Variants in TAFA1 observed in about 807,000 individuals in gnomAD.
TAFA1 encodes TAFA chemokine like family member 1, also known as chemokine-like protein TAFA-1.
Under a neutral mutation model 18.5 loss-of-function variants are expected in TAFA1, and 4 were observed. The observed-to-expected ratio is 0.22, with a 90% CI of 0.11 to 0.49. TAFA1 has a LOEUF of 0.49. Among genes scored for constraint, TAFA1 ranks in the 20% least tolerant of loss-of-function variants. The probability of loss-of-function intolerance (pLI) is 0.98; values close to 1 mark genes in which losing one functional copy is unlikely to be tolerated. For synonymous variants in TAFA1, 56 were observed against 55.2 expected (o/e 1.01, Z -0.06); for missense variants, 147 against 169.0 (o/e 0.87, Z 0.72).
intron 3 of TAFA1, among the ~76,000 whole-genome samples, chr3:68,496,453 C>G (rs111919460): frequency 0.012 from 1,841 of 152,206 alleles, 30 homozygotes; most frequent in African/African-American, 0.042. Flanking sequence ...CTCTGAGAAG[C>G]CCAAGCCACC....
chr3:68,129,596 A>G (rs2065512815), intron 2 of TAFA1, among the ~76,000 whole-genome samples: 1 of 152,240 alleles, frequency 6.6e-6, no homozygotes, highest in Non-Finnish European at 1.5e-5. Flanking sequence ...TGCTGGTTCC[A>G]TAACATGATA....
At chr3:68,344,878 G>GCT (rs973070765) in intron 2 of TAFA1, among the ~76,000 whole-genome samples, 8 of 152,012 alleles carry the variant, frequency 5.3e-5, no homozygotes, top group Non-Finnish European at 1.0e-4. Flanking sequence ...AGAGAGTGAA[G>GCT]CTCTCTACCA....
chr3:68,349,650 C>G (rs1423743548), intron 2 of TAFA1, among the ~76,000 whole-genome samples: 1 of 152,126 alleles, frequency 6.6e-6, no homozygotes, highest in Admixed American at 6.6e-5. Flanking sequence ...TTACAGGTTT[C>G]TATCACAAAC....
chr3:68,473,595 C>T (rs1245038850), intron 3 of TAFA1, among the ~76,000 whole-genome samples: 4 of 152,110 alleles, frequency 2.6e-5, no homozygotes, highest in African/African-American at 9.7e-5. Flanking sequence ...TGGTTTGCAT[C>T]CTTCCCAACC....
chr3:68,186,448 A>G (rs1386171607), intron 2 of TAFA1, among the ~76,000 whole-genome samples: 1 of 152,104 alleles, frequency 6.6e-6, no homozygotes, highest in South Asian at 2.1e-4. Context: ...TCTCATTGTA[A>G]TAATAGATCA....
At chr3:68,095,616 A>C (rs750991034) in intron 2 of TAFA1, among the ~76,000 whole-genome samples, 2 of 152,142 alleles carry the variant, frequency 1.3e-5, no homozygotes, top group African/African-American at 2.4e-5. Context: ...TTTGTAAGAC[A>C]TGGTCCTCAC....
chr3:68,139,791 T>A (rs1017998909), intron 2 of TAFA1, among the ~76,000 whole-genome samples: 4 of 152,218 alleles, frequency 2.6e-5, no homozygotes, highest in African/African-American at 9.6e-5. Flanking sequence ...TGAACTCATC[T>A]CCTGCTCTAT....
chr3:68,190,237 G>A (rs1005430647), intron 2 of TAFA1, among the ~76,000 whole-genome samples: 5 of 151,848 alleles, frequency 3.3e-5, no homozygotes, highest in Admixed American at 6.6e-5. Context: ...AAGAGATGAT[G>A]AATTAGGTCA....
At chr3:68,352,684 C>G (rs918897324) in intron 2 of TAFA1, among the ~76,000 whole-genome samples, 1 of 151,994 alleles carries the variant, frequency 6.6e-6, no homozygotes, top group African/African-American at 2.4e-5. Context: ...ATGACATATT[C>G]TGGTTTCTGT....
chr3:68,064,030 A>G (rs1292388985), intron 2 of TAFA1, among the ~76,000 whole-genome samples: 1 of 152,182 alleles, frequency 6.6e-6, no homozygotes, highest in Non-Finnish European at 1.5e-5. Context: ...GGAATCCTAC[A>G]TTACTCTGCA....
chr3:68,145,235 G>A, intron 2 of TAFA1: 1 of 789,456 alleles, frequency 1.3e-6, no homozygotes, highest in East Asian at 2.4e-5. Flanking sequence ...TTGGTCAGTA[G>A]GACGAAGAGT....
At chr3:68,073,456 C>T (rs759800128) in intron 2 of TAFA1, among the ~76,000 whole-genome samples, 2 of 152,176 alleles carry the variant, frequency 1.3e-5, no homozygotes, top group Non-Finnish European at 1.5e-5. Flanking sequence ...CACCTCCTAA[C>T]TCTTTCTTTT....
At chr3:68,362,062 A>G (rs1053866644) in intron 2 of TAFA1, among the ~76,000 whole-genome samples, 1 of 152,154 alleles carries the variant, frequency 6.6e-6, no homozygotes, top group African/African-American at 2.4e-5. Context: ...CTTTCTTTCA[A>G]TGGAGAATCA....
chr3:68,367,258 A>G (rs2069593066), intron 2 of TAFA1, among the ~76,000 whole-genome samples: 2 of 152,228 alleles, frequency 1.3e-5, no homozygotes, highest in Admixed American at 1.3e-4. Context: ...ATTGGAAATC[A>G]GAATTCTTGT....
intron 2 of TAFA1, among the ~76,000 whole-genome samples, chr3:68,299,121 C>G (rs1407638843): frequency 1.3e-5 from 2 of 152,294 alleles, no homozygotes; most frequent in Non-Finnish European, 2.9e-5. Context: ...GGATGAGGAA[C>G]TTCTTGGGAA....
chr3:68,066,311 G>C (rs1334111703), intron 2 of TAFA1, among the ~76,000 whole-genome samples: 1 of 152,140 alleles, frequency 6.6e-6, no homozygotes, highest in Admixed American at 6.5e-5. Context: ...GAGCAGATAA[G>C]TTTATCTTTG....
intron 2 of TAFA1, among the ~76,000 whole-genome samples, chr3:68,018,213 A>G (rs6793147): frequency 0.66 from 100,140 of 152,048 alleles, 33,141 homozygotes; most frequent in South Asian, 0.78. Context: ...AGATGGATGG[A>G]AAGAGCCCCA....
chr3:68,208,611 T>C (rs2066555194), intron 2 of TAFA1, among the ~76,000 whole-genome samples: 1 of 151,992 alleles, frequency 6.6e-6, no homozygotes, highest in Non-Finnish European at 1.5e-5. Flanking sequence ...GGCCTCATTC[T>C]CATTTTGGCA....
intron 3 of TAFA1, among the ~76,000 whole-genome samples, chr3:68,503,437 A>G (rs1227122835): frequency 6.6e-6 from 1 of 152,176 alleles, no homozygotes; most frequent in East Asian, 1.9e-4. Context: ...GCAAAAGGCC[A>G]CATATTGTAT....
Sources: gnomAD v4.1 joint callset for allele counts (sites outside exome capture counted in the v4.1 genomes callset) on GRCh38, gnomAD v4.1.1 for gene constraint, MANE v1.5 for transcripts, NCBI Gene and HGNC (gene_info 2026-07-23, HGNC 2026-07-21) for gene names.